The following RTL4 variants were observed in gnomAD, a reference collection of about 807,000 sequenced individuals.
The protein encoded by RTL4 is retrotransposon Gag-like protein 4.
Under a neutral mutation model 5.3 loss-of-function variants are expected in RTL4, and 4 were observed. The observed-to-expected ratio is 0.75, with a 90% CI of 0.37 to 1.72. RTL4 has a LOEUF of 1.72. Ranked by LOEUF, RTL4 falls within the 40% of genes most tolerant of loss-of-function variation. RTL4 has a pLI of 0.04. For missense variants in RTL4, 260 were observed against 227.1 expected (o/e 1.14, Z -0.93); for synonymous variants, 98 against 87.3 (o/e 1.12, Z -0.68).
At chrX:112,113,505 G>A in the RTL4 span, among the ~76,000 whole-genome samples, 11 of 111,376 alleles carry the variant, frequency 9.9e-5, no homozygotes. Context: ...GGACAGGAGA[G>A]TAACACTGAG....
the RTL4 span, among the ~76,000 whole-genome samples, chrX:112,301,788 C>A: frequency 5.5e-5 from 6 of 109,046 alleles, no homozygotes; most frequent in African/African-American, 2.0e-4. Context: ...CATAATGAGC[C>A]CTGTCTTTAA....
the RTL4 span, among the ~76,000 whole-genome samples, chrX:112,123,724 G>A: frequency 8.9e-6 from 1 of 112,019 alleles, no homozygotes; most frequent in Non-Finnish European, 1.9e-5. Flanking sequence ...TAGCCTTGTA[G>A]TATAGCTTGA....
chrX:112,201,258 G>C, the RTL4 span, among the ~76,000 whole-genome samples: 1 of 111,167 alleles, frequency 9.0e-6, no homozygotes, highest in Non-Finnish European at 1.9e-5. Flanking sequence ...CCTCCACCTG[G>C]TCTCTCCATT....
chrX:112,408,473 T>TAA, the RTL4 span, among the ~76,000 whole-genome samples: 4 of 105,514 alleles, frequency 3.8e-5, no homozygotes, highest in East Asian at 3.1e-4. Flanking sequence ...AGGGATAAAA[T>TAA]AAAAAAAAGA....
chrX:112,197,433 A>G, the RTL4 span, among the ~76,000 whole-genome samples: 3 of 95,897 alleles, frequency 3.1e-5, no homozygotes, highest in African/African-American at 1.2e-4. Context: ...GGACCACCTC[A>G]TTACAACCTT....
the RTL4 span, among the ~76,000 whole-genome samples, chrX:112,345,889 T>C: frequency 4.5e-5 from 5 of 111,796 alleles, no homozygotes; most frequent in Non-Finnish European, 9.4e-5. Flanking sequence ...TTAGACTTTT[T>C]AAAACCAAGA....
the RTL4 span, among the ~76,000 whole-genome samples, chrX:112,337,183 A>T: frequency 8.9e-6 from 1 of 112,041 alleles, no homozygotes; most frequent in African/African-American, 3.2e-5. Flanking sequence ...ACATATTCCC[A>T]GTCTGCCTAT....
the RTL4 span, among the ~76,000 whole-genome samples, chrX:112,355,874 G>A: frequency 1.8e-5 from 2 of 111,424 alleles, no homozygotes; most frequent in Non-Finnish European, 3.8e-5. Context: ...TGTACAGCTG[G>A]AGAACAGACC....
At chrX:112,292,673 T>TA in the RTL4 span, among the ~76,000 whole-genome samples, 1 of 111,652 alleles carries the variant, frequency 9.0e-6, no homozygotes, top group Admixed American at 9.5e-5. Flanking sequence ...TGGAAAATGC[T>TA]AATTTGCATC....
At chrX:112,187,127 G>A in the RTL4 span, among the ~76,000 whole-genome samples, 5 of 111,935 alleles carry the variant, frequency 4.5e-5, no homozygotes, top group African/African-American at 1.6e-4. Flanking sequence ...TATGCTTTTA[G>A]GCCTAGGAAT....
chrX:112,321,547 A>G, the RTL4 span, among the ~76,000 whole-genome samples: 5 of 108,080 alleles, frequency 4.6e-5, no homozygotes, highest in Admixed American at 9.8e-5. Flanking sequence ...AAAAAAAAAA[A>G]AAAGAAAGAA....
the RTL4 span, among the ~76,000 whole-genome samples, chrX:112,328,333 CA>C: frequency 1.7e-4 from 18 of 109,081 alleles, no homozygotes; most frequent in East Asian, 1.2e-3. Context: ...AAATGGAAAA[CA>C]AAAAAAAGGC....
chrX:112,271,993 T>A, the RTL4 span, among the ~76,000 whole-genome samples: 1 of 112,266 alleles, frequency 8.9e-6, no homozygotes, highest in Non-Finnish European at 1.9e-5. Context: ...AATTAATATA[T>A]CCATCACCTC....
At chrX:112,171,510 C>T in the RTL4 span, among the ~76,000 whole-genome samples, 1 of 111,111 alleles carries the variant, frequency 9.0e-6, no homozygotes, top group East Asian at 2.8e-4. Flanking sequence ...AGGAATTTAC[C>T]CATTGCTTCT....
At chrX:112,213,838 T>C in the RTL4 span, among the ~76,000 whole-genome samples, 2 of 110,336 alleles carry the variant, frequency 1.8e-5, no homozygotes, top group African/African-American at 6.6e-5. Flanking sequence ...ACCTTCTTTT[T>C]TTTTTTTTAA....
the RTL4 span, among the ~76,000 whole-genome samples, chrX:112,428,513 A>G: frequency 9.8e-5 from 11 of 111,805 alleles, no homozygotes; most frequent in African/African-American, 2.9e-4. Flanking sequence ...TGTGGTCTTA[A>G]AGCAGACATT....
chrX:112,318,101 A>G, the RTL4 span, among the ~76,000 whole-genome samples: 1 of 111,859 alleles, frequency 8.9e-6, no homozygotes, highest in South Asian at 3.7e-4. Flanking sequence ...AACCACTCTA[A>G]TTTATAAATA....
the RTL4 span, among the ~76,000 whole-genome samples, chrX:112,402,389 C>T: frequency 3.3e-5 from 3 of 90,822 alleles, no homozygotes; most frequent in Non-Finnish European, 4.3e-5. Flanking sequence ...CATTTCTTTG[C>T]GGAATTATTA....
the RTL4 span, among the ~76,000 whole-genome samples, chrX:112,302,258 TAA>T: frequency 2.2e-4 from 18 of 83,497 alleles, no homozygotes; most frequent in Admixed American, 4.2e-4. Context: ...AAGACTCTGT[TAA>T]AAAAAAAAAA....
Sources: gnomAD v4.1 joint callset for allele counts (sites outside exome capture counted in the v4.1 genomes callset) on GRCh38, gnomAD v4.1.1 for gene constraint, MANE v1.5 for transcripts, NCBI Gene and HGNC (gene_info 2026-07-23, HGNC 2026-07-21) for gene names.